The following NEK1 variants were observed in gnomAD, a reference collection of about 807,000 sequenced individuals.
NEK1 encodes NIMA related kinase 1, also known as serine/threonine-protein kinase Nek1.
NEK1 carries 137 observed loss-of-function variants against 182.1 expected under a neutral mutation model. The observed-to-expected ratio is 0.75, with a 90% CI of 0.65 to 0.87. The LOEUF (loss-of-function observed/expected upper bound fraction) is 0.87, where lower values mean the gene tolerates loss of function less well. NEK1 is among the 40% of genes least tolerant of loss of function. The pLI is 0.00. For synonymous variants in NEK1, 513 were observed against 492.2 expected (o/e 1.04, Z -0.56); for missense variants, 1,391 against 1,494.4 (o/e 0.93, Z 1.14).
Position 169,463,270 on chromosome 4 carries a change from G to C in NEK1, c.2560C>G (p.Leu854Val), listed in dbSNP as rs763188605. 1 of 1,584,160 alleles carries C rather than the reference G, an allele frequency of 6.3e-7. No individual in the cohort carries two copies. The highest frequency in any genetic ancestry group is 2.3e-5 in the East Asian group (1 of 43,946). ...CTTCTAATAGTTGTATTTTCTAATA[G>C]TTCTGTCTGAAGTTGTAGTTCAGCT... ...GEAELQLQTE[L>V]LENTTIRSEI... The change falls in exon 27 of 36, where the codon CTA becomes GTA. Residue 854 changes from leucine (L) to valine (V), a missense_variant. By Grantham distance (32) the Leu-to-Val change is conservative (BLOSUM62 1). Around this residue, in one of 5 missense-constraint regions of NEK1, gnomAD observed 1,216 missense variants for 1,277.6 expected, o/e 0.95. Coordinates refer to ENST00000507142, the MANE Select transcript of NEK1 (RefSeq NM_001199397.3).
At chr4:169,461,307 T>G (rs964887724) in intron 27 of NEK1, among the ~76,000 whole-genome samples, 1 of 152,124 alleles carries the variant, frequency 6.6e-6, no homozygotes, top group African/African-American at 2.4e-5. Flanking sequence ...AAAACAATCT[T>G]TGATACACCC....
intron 12 of NEK1, among the ~76,000 whole-genome samples, chr4:169,575,024 T>G (rs1161591496): frequency 6.6e-6 from 1 of 152,160 alleles, no homozygotes; most frequent in Non-Finnish European, 1.5e-5. Context: ...CCAACTACTT[T>G]TGCACCAACC....
chr4:169,457,611 A>G (rs1743138356), intron 27 of NEK1, among the ~76,000 whole-genome samples: 1 of 148,834 alleles, frequency 6.7e-6, no homozygotes, highest in Non-Finnish European at 1.5e-5. Flanking sequence ...AGAAAGGGAG[A>G]AAAGGAGAAA....
chr4:169,456,907 C>G (rs1277025865), intron 27 of NEK1, among the ~76,000 whole-genome samples: 1 of 152,122 alleles, frequency 6.6e-6, no homozygotes, highest in Non-Finnish European at 1.5e-5. Flanking sequence ...CTGTCAGTTT[C>G]ATGTATGGAA....
At chr4:169,483,225 C>G (rs1484465833) in intron 23 of NEK1, among the ~76,000 whole-genome samples, 1 of 152,184 alleles carries the variant, frequency 6.6e-6, no homozygotes, top group African/African-American at 2.4e-5. Flanking sequence ...CACACACATT[C>G]ATCAATTAAA....
At chr4:169,556,168 A>T in intron 16 of NEK1, 73 bp from the exon 17 acceptor site, 1 of 1,370,622 alleles carries the variant, frequency 7.3e-7, no homozygotes, top group South Asian at 1.5e-5. Flanking sequence ...TCTCAAAAGA[A>T]AAAGTAAATT....
In NEK1 at chr4:169,406,716, G is replaced by C; in HGVS notation, c.3254C>G (p.Ser1085Ter). Reference sequence around the variant, plus strand: ...ATCCATAAGGGTTCTGAACAGCTTTGAGAGATCTGGAAGTGAACATGTCCT... The same window carrying C: ...ATCCATAAGGGTTCTGAACAGCTTTCAGAGATCTGGAAGTGAACATGTCCT... ...MLRTCSLPDLSKLFRTLMDVP... is the reference protein window; with the variant it reads ...MLRTCSLPDL The change falls in exon 32 of 36, where the codon TCA (serine) becomes TGA (stop). Residue 1085 changes from serine to a stop codon, truncating the protein, a stop_gained. Transcript: ENST00000507142. LOFTEE classifies it high-confidence loss of function. 1 of 1,604,694 alleles carries C rather than the reference G, an allele frequency of 6.2e-7. No homozygotes were observed. Among genetic ancestry groups the C allele is most frequent in the Non-Finnish European group, 8.5e-7 (1 of 1,176,528 alleles).
chr4:169,595,706 G>A (rs563519334), intron 5 of NEK1, among the ~76,000 whole-genome samples: 91 of 151,926 alleles, frequency 6.0e-4, no homozygotes, highest in African/African-American at 2.1e-3. Flanking sequence ...GGCGGATCAC[G>A]AGGTCAGGAG....
intron 19 of NEK1, among the ~76,000 whole-genome samples, chr4:169,513,317 C>T (rs1000825031): frequency 1.3e-5 from 2 of 151,990 alleles, no homozygotes; most frequent in Non-Finnish European, 2.9e-5. Flanking sequence ...TGTTAGCATT[C>T]TTTTTCACAT....
chr4:169,438,076 A>C lies in NEK1; in HGVS notation c.2764+7T>G. ...AATATAGCTCATTTTGACTCATTAG[A>C]ACATACCTTCTAAATTTCCTTCCAG... On this transcript the variant is annotated splice_region_variant and intron_variant, in intron 28 of 35. Transcript: ENST00000507142. The C allele has an allele frequency of 6.2e-7, 1 of 1,607,080 alleles. No homozygotes were observed. Among genetic ancestry groups the C allele is most frequent in the Non-Finnish European group, 8.5e-7 (1 of 1,176,316 alleles).
rs756905963 is a variant in NEK1 at position 169,602,616 on chromosome 4, A to G, written c.15T>C (p.Val5=). The change falls in exon 3 of 36, where the codon GTT becomes GTC. Residue 5 remains valine, a synonymous_variant. Coordinates refer to ENST00000507142, the MANE Select transcript of NEK1 (RefSeq NM_001199397.3). ...AACCTTCTCCAATCTTCTGTAGTCT[A>G]ACATACTTCTCCATGATTCTTTTTC... is the stretch of plus-strand genomic sequence containing the variant. MEKY[V]RLQKIGEGSF... 4 of 1,590,130 alleles carry G rather than the reference A, an allele frequency of 2.5e-6. No individual in the cohort carries two copies. Among genetic ancestry groups the G allele is most frequent in the Non-Finnish European group, 3.5e-6 (4 of 1,159,336 alleles).
chr4:169,425,614 C>A (rs1736256612), intron 30 of NEK1, among the ~76,000 whole-genome samples: 1 of 152,054 alleles, frequency 6.6e-6, no homozygotes, highest in African/African-American at 2.4e-5. Flanking sequence ...GCAGTCTTGG[C>A]CTCAAGCAAT....
intron 5 of NEK1, among the ~76,000 whole-genome samples, chr4:169,593,319 T>A (rs72692991): frequency 0.048 from 7,307 of 152,240 alleles, 177 homozygotes; most frequent in Non-Finnish European, 0.056. Context: ...CAATTAAGTT[T>A]AGCTGTGTTC....
At chr4:169,472,238 T>A (rs115561134) in intron 26 of NEK1, among the ~76,000 whole-genome samples, 3,550 of 152,222 alleles carry the variant, frequency 0.023, 52 homozygotes, top group Non-Finnish European at 0.036. Flanking sequence ...TCCAGTTTTA[T>A]GCTTGATACC....
At chr4:169,413,972 G>T (rs1269119066) in intron 31 of NEK1, among the ~76,000 whole-genome samples, 1 of 152,152 alleles carries the variant, frequency 6.6e-6, no homozygotes, top group Non-Finnish European at 1.5e-5. Flanking sequence ...AGCCAAGATT[G>T]TGCCACTGCA....
intron 10 of NEK1, among the ~76,000 whole-genome samples, chr4:169,582,377 C>T (rs1348248107): frequency 6.6e-6 from 1 of 152,174 alleles, no homozygotes; most frequent in Admixed American, 6.5e-5. Flanking sequence ...TTCAAAATTA[C>T]TGAAACCGAG....
intron 24 of NEK1, among the ~76,000 whole-genome samples, chr4:169,478,194 T>G (rs1295165825): frequency 6.6e-6 from 1 of 152,022 alleles, no homozygotes; most frequent in Non-Finnish European, 1.5e-5. Context: ...AAGAACAATT[T>G]TCTAAGTTTT....
chr4:169,483,884 A>AG (rs70964207), intron 23 of NEK1, among the ~76,000 whole-genome samples: 5 of 151,060 alleles, frequency 3.3e-5, no homozygotes, highest in Admixed American at 6.6e-5. Flanking sequence ...AAAAAAAAAA[A>AG]GTTACTACAA....
chr4:169,597,976 TC>T (rs1336320272), intron 5 of NEK1, among the ~76,000 whole-genome samples: 6 of 151,748 alleles, frequency 4.0e-5, no homozygotes, highest in Admixed American at 3.3e-4. Context: ...AATAATAATA[TC>T]CCATTTCTGA....
Sources: gnomAD v4.1 joint callset for allele counts (sites outside exome capture counted in the v4.1 genomes callset) on GRCh38, gnomAD v4.1.1 for gene constraint, gnomAD v4.1.1 regional missense constraint, MANE v1.5 for transcripts, NCBI Gene and HGNC (gene_info 2026-07-23, HGNC 2026-07-21) for gene names.